Variants in AGTPBP1 observed in about 807,000 individuals in gnomAD.
AGTPBP1 encodes ATP/GTP binding carboxypeptidase 1, also known as cytosolic carboxypeptidase 1.
In AGTPBP1, 70 loss-of-function variants were observed where a neutral mutation model predicts 143.9. The observed-to-expected ratio is 0.49, with a 90% CI of 0.40 to 0.59. The LOEUF (loss-of-function observed/expected upper bound fraction) is 0.59, where lower values mean the gene tolerates loss of function less well. Among genes scored for constraint, AGTPBP1 ranks in the 20% least tolerant of loss-of-function variants. The pLI, the probability that AGTPBP1 is intolerant of heterozygous loss-of-function variation, is 0.00. For synonymous variants in AGTPBP1, 463 were observed against 500.2 expected, an observed-to-expected ratio of 0.93 and a Z score of 0.99; for missense variants, 1,229 against 1,464.5, an observed-to-expected ratio of 0.84 and a Z score of 2.62.
chr9:85,766,965 T>A, the AGTPBP1 span, among the ~76,000 whole-genome samples: 1 of 151,468 alleles, frequency 6.6e-6, no homozygotes, highest in Non-Finnish European at 1.5e-5. Context: ...ATCGTTACAC[T>A]AATAGAAGAT....
chr9:85,739,683 G>A (rs866308578), intron 1 of AGTPBP1, among the ~76,000 whole-genome samples: 2 of 150,086 alleles, frequency 1.3e-5, no homozygotes, highest in African/African-American at 4.9e-5. Context: ...ACTCCAGCCT[G>A]GGCGACAAGA....
At chr9:85,800,411 C>G in the AGTPBP1 span, among the ~76,000 whole-genome samples, 1 of 152,166 alleles carries the variant, frequency 6.6e-6, no homozygotes, top group Non-Finnish European at 1.5e-5. Flanking sequence ...TCTGCCTTCT[C>G]CCAAAAGCTG....
chr9:85,598,729 T>C (rs564312958), intron 17 of AGTPBP1, among the ~76,000 whole-genome samples: 1 of 152,150 alleles, frequency 6.6e-6, no homozygotes, highest in Non-Finnish European at 1.5e-5. Flanking sequence ...ATTATTATTA[T>C]TTTTTTCCAA....
At chr9:85,716,945 GT>G (rs1837742950) in intron 1 of AGTPBP1, among the ~76,000 whole-genome samples, 1 of 152,154 alleles carries the variant, frequency 6.6e-6, no homozygotes, top group Non-Finnish European at 1.5e-5. Flanking sequence ...GGGCCTCCAT[GT>G]TTTCCTCCAA....
At chr9:85,796,832 G>C in the AGTPBP1 span, among the ~76,000 whole-genome samples, 19 of 152,068 alleles carry the variant, frequency 1.2e-4, no homozygotes, top group African/African-American at 4.6e-4. Flanking sequence ...TGTCAACCAG[G>C]CCAGAGAGCA....
At chr9:85,706,649 T>C (rs1587944692) in intron 2 of AGTPBP1, among the ~76,000 whole-genome samples, 1 of 151,810 alleles carries the variant, frequency 6.6e-6, no homozygotes, top group African/African-American at 2.4e-5. Flanking sequence ...GGCGGGCGGA[T>C]CACGACATCA....
upstream of AGTPBP1, among the ~76,000 whole-genome samples, chr9:85,743,411 A>T (rs561819075): frequency 2.0e-5 from 3 of 152,306 alleles, no homozygotes; most frequent in South Asian, 4.1e-4. Context: ...CTTTGAAATG[A>T]TTCCAATCAC....
chr9:85,547,383 A>G (rs1825793228), intron 25 of AGTPBP1, 97 bp from the exon 26 acceptor site: 1 of 1,069,064 alleles, frequency 9.4e-7, no homozygotes, highest in African/African-American at 1.6e-5. Context: ...TGATTCCAAT[A>G]TAATATAAGC....
intron 2 of AGTPBP1, among the ~76,000 whole-genome samples, chr9:85,697,979 T>A (rs7848056): frequency 0.13 from 20,369 of 152,158 alleles, 1,612 homozygotes; most frequent in East Asian, 0.3. Context: ...CACATCTTTT[T>A]AAAAATTTCT....
the AGTPBP1 span, among the ~76,000 whole-genome samples, chr9:85,796,295 T>C: frequency 2.0e-5 from 3 of 152,044 alleles, no homozygotes; most frequent in Non-Finnish European, 4.4e-5. Context: ...AATCTATGAG[T>C]GAGGGGTTGA....
intron 11 of AGTPBP1, among the ~76,000 whole-genome samples, chr9:85,648,720 G>A (rs865901757): frequency 7.2e-5 from 11 of 152,152 alleles, no homozygotes; most frequent in Admixed American, 5.2e-4. Flanking sequence ...GCTGAGGCAG[G>A]AGAATGGCGT....
At chr9:85,585,632 G>C (rs758497161) in intron 22 of AGTPBP1, 38 bp from the exon 23 acceptor site, 1 of 1,497,076 alleles carries the variant, frequency 6.7e-7, no homozygotes, top group Non-Finnish European at 8.9e-7. Flanking sequence ...AAGACTTCAA[G>C]TTCATATGTT....
chr9:85,696,940 G>A (rs575516286), intron 2 of AGTPBP1, among the ~76,000 whole-genome samples: 3 of 152,212 alleles, frequency 2.0e-5, no homozygotes, highest in East Asian at 1.9e-4. Context: ...AAATAATATG[G>A]TTTTATTTCC....
chr9:85,798,657 T>G, the AGTPBP1 span, among the ~76,000 whole-genome samples: 4 of 152,152 alleles, frequency 2.6e-5, no homozygotes, highest in African/African-American at 9.7e-5. Flanking sequence ...ACACCTGGCC[T>G]CTAAAGCTCT....
Position 85,594,739 on chromosome 9 carries a change from G to C in AGTPBP1, c.2423+1623C>G, listed in dbSNP as rs1436858171. ...GAAGTAGTAGCCAAAAGAAAAGACAGAACCTAAATTAAAAATATAAAAATC... is the reference window on the plus strand; with the variant it reads ...GAAGTAGTAGCCAAAAGAAAAGACACAACCTAAATTAAAAATATAAAAATC... On this transcript the variant is annotated intron_variant, in intron 18 of 25. Coordinates refer to ENST00000357081, the MANE Select transcript of AGTPBP1 (RefSeq NM_001330701.2). Among the ~76,000 whole-genome samples the C allele has an allele frequency of 2.0e-5, 3 of 152,216 alleles. No homozygotes were observed. The East Asian group carries it at 5.8e-4, about 29-fold the overall frequency.
At chr9:85,727,854 C>T (rs1338498761) in intron 1 of AGTPBP1, among the ~76,000 whole-genome samples, 1 of 151,568 alleles carries the variant, frequency 6.6e-6, no homozygotes, top group Admixed American at 6.6e-5. Context: ...TCCATCTCTA[C>T]AAAAAAATAA....
intron 17 of AGTPBP1, 58 bp downstream of exon 17, chr9:85,618,925 C>T: frequency 6.7e-7 from 1 of 1,492,498 alleles, no homozygotes. Flanking sequence ...AAAAAAACTT[C>T]TTTTCCACAG....
chr9:85,665,449 T>C lies in AGTPBP1; in HGVS notation c.662+4036A>G, dbSNP rs1445977787. Among the ~76,000 whole-genome samples the C allele has an allele frequency of 2.0e-5, 3 of 152,196 alleles. 1 individual carries two copies. In the South Asian group the frequency reaches 6.2e-4, roughly 32 times the overall value. ...TTTGGACTTCCAGCCTCTGGAACTA[T>C]AAAACAATAAATTTCTGTTGTTTTG... is the stretch of plus-strand genomic sequence containing the variant. On this transcript the variant is annotated intron_variant, in intron 8 of 25. Transcript: ENST00000357081.
chr9:85,651,696 T>C (rs1269499351), intron 11 of AGTPBP1, among the ~76,000 whole-genome samples: 1 of 152,200 alleles, frequency 6.6e-6, no homozygotes, highest in Admixed American at 6.5e-5. Context: ...TAAGAATATG[T>C]CACCTTCACA....
Sources: allele counts gnomAD v4.1 joint callset (sites outside exome capture counted in the v4.1 genomes callset), GRCh38; gene constraint gnomAD v4.1.1; transcripts MANE v1.5; gene names NCBI Gene and HGNC (gene_info 2026-07-23, HGNC 2026-07-21).